WNT9B: variants seen among roughly 807,000 people sequenced by gnomAD.
WNT9B encodes the protein Wnt family member 9B.
A neutral mutation model predicts 30.2 loss-of-function variants in WNT9B; 12 were observed. The observed-to-expected ratio is 0.40, with a 90% CI of 0.26 to 0.64. WNT9B has a LOEUF of 0.64. WNT9B is among the 30% of genes least tolerant of loss of function. WNT9B has a pLI of 0.42. For synonymous variants in WNT9B, 218 were observed against 216.9 expected (o/e 1.01, Z -0.05); for missense variants, 442 against 485.2 (o/e 0.91, Z 0.84).
chr17:46,850,399 T>C (rs187949173), upstream of WNT9B, among the ~76,000 whole-genome samples: 38 of 152,232 alleles, frequency 2.5e-4, no homozygotes, highest in African/African-American at 8.9e-4. Context: ...AGGTGGGGGC[T>C]TCCTCTGTTA....
rs1191704233 is a variant in WNT9B, at chr17:46,878,065, C to T, written c.*1347C>T. Among the ~76,000 whole-genome samples the T allele has an allele frequency of 6.6e-6, 1 of 152,230 alleles. No homozygotes were observed. Among genetic ancestry groups the T allele is most frequent in the Non-Finnish European group, 1.5e-5 (1 of 68,036 alleles). On this transcript the variant is annotated 3_prime_UTR_variant, in exon 4 of 4. Transcript: ENST00000290015. Reference sequence around the variant, plus strand: ...ATGGATGCACAGCCCCTGGACCAGGCTGGGGGTTCCTGTTGCACATGCCTC... The same window carrying T: ...ATGGATGCACAGCCCCTGGACCAGGTTGGGGGTTCCTGTTGCACATGCCTC...
At chr17:46,855,388 G>A (rs2084922232) in intron 1 of WNT9B, among the ~76,000 whole-genome samples, 1 of 152,222 alleles carries the variant, frequency 6.6e-6, no homozygotes, top group African/African-American at 2.4e-5. Context: ...AGAACAGCAT[G>A]ATGGCAGTGG....
intron 1 of WNT9B, among the ~76,000 whole-genome samples, chr17:46,841,892 G>C (rs377691269): frequency 6.6e-6 from 1 of 152,230 alleles, no homozygotes. Context: ...GCTCCTCTGC[G>C]GTGTGTGGGG....
At chr17:46,873,185 G>A (rs571281968) in intron 2 of WNT9B, among the ~76,000 whole-genome samples, 33 of 151,846 alleles carry the variant, frequency 2.2e-4, no homozygotes, top group African/African-American at 5.8e-4. Flanking sequence ...TTCCAGGCCC[G>A]ATGACACGAG....
At chr17:46,881,020 A>G (rs2064932232), downstream of WNT9B, among the ~76,000 whole-genome samples, 1 of 152,216 alleles carries the variant, frequency 6.6e-6, no homozygotes, top group Admixed American at 6.5e-5. Context: ...TCATTTACAC[A>G]CGAATCCTGT....
At chr17:46,876,187 A>C (rs1205905741) in intron 3 of WNT9B, 58 bp from the exon 4 acceptor site, 1 of 1,486,324 alleles carries the variant, frequency 6.7e-7, no homozygotes, top group African/African-American at 1.4e-5. Flanking sequence ...CTCTGGGGGC[A>C]GGCTCTGGCT....
At chr17:46,857,764 C>T (rs1029407157) in intron 1 of WNT9B, among the ~76,000 whole-genome samples, 2 of 152,146 alleles carry the variant, frequency 1.3e-5, no homozygotes, top group African/African-American at 2.4e-5. Context: ...TGGCTATTTT[C>T]GTAAGTATGT....
downstream of WNT9B, among the ~76,000 whole-genome samples, chr17:46,883,770 C>T (rs1305976037): frequency 6.6e-6 from 1 of 152,216 alleles, no homozygotes; most frequent in Non-Finnish European, 1.5e-5. Context: ...CTGGTGGCAT[C>T]TTCCAGTCCT....
intron 1 of WNT9B, among the ~76,000 whole-genome samples, chr17:46,860,641 G>C (rs1464911518): frequency 2.6e-5 from 4 of 152,202 alleles, no homozygotes; most frequent in Admixed American, 2.0e-4. Context: ...AGGATTCCAA[G>C]AAATCTAGTG....
At chr17:46,848,042 C>G (rs371896479), upstream of WNT9B, among the ~76,000 whole-genome samples, 12 of 152,084 alleles carry the variant, frequency 7.9e-5, no homozygotes, top group East Asian at 9.7e-4. Flanking sequence ...CAGCCCTGAG[C>G]GCTGGCTGCC....
intron 1 of WNT9B, among the ~76,000 whole-genome samples, chr17:46,862,024 G>A (rs551556497): frequency 1.3e-5 from 2 of 152,148 alleles, no homozygotes; most frequent in Non-Finnish European, 2.9e-5. Context: ...ATAGCTGGGC[G>A]TGGTGACAGC....
chr17:46,842,045 C>T (rs2084721763), intron 1 of WNT9B, among the ~76,000 whole-genome samples: 1 of 152,184 alleles, frequency 6.6e-6, no homozygotes, highest in Non-Finnish European at 1.5e-5. Flanking sequence ...CCTGGGCTGG[C>T]CTGGGGACCC....
At chr17:46,881,658 A>G (rs968648102), downstream of WNT9B, among the ~76,000 whole-genome samples, 9 of 151,562 alleles carry the variant, frequency 5.9e-5, no homozygotes, top group African/African-American at 2.2e-4. Context: ...AGACCCCTCC[A>G]CCTCCAGCTG....
At chr17:46,860,368 G>A (rs1432376801) in intron 1 of WNT9B, among the ~76,000 whole-genome samples, 1 of 152,148 alleles carries the variant, frequency 6.6e-6, no homozygotes, top group African/African-American at 2.4e-5. Context: ...GGTGCTGTGA[G>A]GGTGACTCCC....
At chr17:46,858,562 C>T (rs2084978266) in intron 1 of WNT9B, among the ~76,000 whole-genome samples, 2 of 152,124 alleles carry the variant, frequency 1.3e-5, no homozygotes, top group Non-Finnish European at 2.9e-5. Context: ...TTGAGTAAGC[C>T]TGGAGCCTAA....
chr17:46,851,627 G>T lies in WNT9B; in HGVS notation c.-12G>T. 1 of 1,256,712 alleles carries T rather than the reference G, an allele frequency of 8.0e-7. No homozygotes were observed. The allele number at this position is 1,256,712 out of a possible 1,614,324, so 77.8% of individuals were successfully genotyped here. ...GCGAGGAGATGCTAGAGGGCGCAGCGCCGCCAGCACCATGCGCCCCCCGCC... is the reference window on the plus strand; with the variant it reads ...GCGAGGAGATGCTAGAGGGCGCAGCTCCGCCAGCACCATGCGCCCCCCGCC... On this transcript the variant is annotated 5_prime_UTR_variant, in exon 1 of 4. Coordinates refer to ENST00000290015, the MANE Select transcript of WNT9B (RefSeq NM_003396.3). The surrounding 1 kb of genome is among the most constrained non-coding windows in gnomAD (Gnocchi z 4.3).
At chr17:46,858,948 T>A (rs2084985870) in intron 1 of WNT9B, among the ~76,000 whole-genome samples, 1 of 151,880 alleles carries the variant, frequency 6.6e-6, no homozygotes, top group Non-Finnish European at 1.5e-5. Context: ...ATTATTGGCA[T>A]GAGCCACAGC....
chr17:46,838,313 G>A (rs887049999), intron 1 of WNT9B, among the ~76,000 whole-genome samples: 1 of 148,908 alleles, frequency 6.7e-6, no homozygotes, highest in South Asian at 2.1e-4. Context: ...GATAGAACGG[G>A]GCCTGCCTTA....
At chr17:46,856,397 C>G (rs900630660) in intron 1 of WNT9B, among the ~76,000 whole-genome samples, 2 of 152,080 alleles carry the variant, frequency 1.3e-5, no homozygotes, top group African/African-American at 4.8e-5. Flanking sequence ...GTGGAAGTGT[C>G]ATTACTATAA....
Sources: allele counts gnomAD v4.1 joint callset (sites outside exome capture counted in the v4.1 genomes callset), GRCh38; gene constraint gnomAD v4.1.1; non-coding constraint Gnocchi (gnomAD v3.1); transcripts MANE v1.5; gene names NCBI Gene and HGNC (gene_info 2026-07-23, HGNC 2026-07-21).